The following QRICH2 variants were observed in gnomAD, a reference collection of about 807,000 sequenced individuals.
The protein encoded by QRICH2 is glutamine rich 2, also known as glutamine-rich protein 2.
In QRICH2, 119 loss-of-function variants were observed where a neutral mutation model predicts 168.3. The observed-to-expected ratio is 0.71, with a 90% CI of 0.61 to 0.82. The LOEUF (loss-of-function observed/expected upper bound fraction) is 0.82, where lower values mean the gene tolerates loss of function less well. QRICH2 is among the 40% of genes least tolerant of loss of function. The probability of loss-of-function intolerance (pLI) is 0.00; values close to 1 mark genes in which losing one functional copy is unlikely to be tolerated. For missense variants in QRICH2, 2,241 were observed against 2,491.6 expected (o/e 0.90, Z 2.14); for synonymous variants, 894 against 951.2 (o/e 0.94, Z 1.11).
At position 76,276,068 on chromosome 17, in the gene QRICH2, G is replaced by A. The variant is rs564616944; in HGVS notation, c.5354-121C>T. On this transcript the variant is annotated intron_variant, in intron 17 of 18. Coordinates refer to ENST00000680821, the MANE Select transcript of QRICH2 (RefSeq NM_001388453.1). ...TCATGGCCGGCCTCAGCTGAGTGGG[G>A]TCCTCGTCATTCTGAATTTGTGGCT... is the stretch of plus-strand genomic sequence containing the variant. 128 of 1,200,174 alleles carry A rather than the reference G, an allele frequency of 1.1e-4. 3 individuals are homozygous for A. The South Asian group carries it at 1.7e-3, about 16-fold the overall frequency. The allele number at this position is 1,200,174 out of a possible 1,614,324, so 74.3% of individuals were successfully genotyped here.
At chr17:76,282,255 A>C (rs921757295) in intron 7 of QRICH2, 140 bp from the exon 8 acceptor site, 2 of 1,007,248 alleles carry the variant, frequency 2.0e-6, no homozygotes, top group Admixed American at 5.6e-5. Flanking sequence ...TGCCTCCCAG[A>C]GCATGTGCCA....
chr17:76,283,479 C>T (rs1330786431), intron 7 of QRICH2, among the ~76,000 whole-genome samples: 1 of 152,204 alleles, frequency 6.6e-6, no homozygotes, highest in African/African-American at 2.4e-5. Context: ...ACAGGTGACT[C>T]TTAAACGCTC....
At chr17:76,285,148 T>G (rs113751770) in intron 7 of QRICH2, among the ~76,000 whole-genome samples, 1 of 98,368 alleles carries the variant, frequency 1.0e-5, no homozygotes, top group African/African-American at 7.3e-5. Flanking sequence ...TGTTGTTGTT[T>G]TTGAGATGGA....
Position 76,308,128 on chromosome 17 carries a change from G to A in QRICH2, c.-130C>T, listed in dbSNP as rs1316611236. 1.5e-5 allele frequency: 18 copies of A among 1,219,334 alleles called. No individual in the cohort carries two copies. The highest frequency in any genetic ancestry group is 9.9e-5 in the East Asian group (3 of 30,332). 75.5% of individuals were successfully genotyped at this position (1,219,334 alleles called of 1,614,324 possible). On this transcript the variant is annotated 5_prime_UTR_variant, in exon 1 of 19. Coordinates refer to ENST00000680821, the MANE Select transcript of QRICH2 (RefSeq NM_001388453.1). ...GGGCGCCCCTGCCCCGGGTCCGGCC[G>A]AGTCACTGGACAGAGCTCCTGCCTC...
At position 76,287,905 on chromosome 17, in the gene QRICH2, C is replaced by A. The variant is rs1233371721; in HGVS notation, c.3799-8G>T. 1 of 1,611,312 alleles carries A rather than the reference C, an allele frequency of 6.2e-7. No homozygotes were observed. On this transcript the variant is annotated splice_polypyrimidine_tract_variant and splice_region_variant and intron_variant, in intron 5 of 18. Transcript: ENST00000680821. ...CCTCTGCAGCCTTTCCACCTACAAACCCAGTGAATGAGGAGGGTCAGGCAG... is the reference window on the plus strand; with the variant it reads ...CCTCTGCAGCCTTTCCACCTACAAAACCAGTGAATGAGGAGGGTCAGGCAG...
intron 7 of QRICH2, among the ~76,000 whole-genome samples, chr17:76,284,203 A>G (rs1471018719): frequency 5.1e-5 from 7 of 138,316 alleles, no homozygotes; most frequent in Admixed American, 4.8e-4. Context: ...AAAATGCACA[A>G]AGAGGTTCCT....
At chr17:76,289,423 G>A (rs55999214) in intron 5 of QRICH2, among the ~76,000 whole-genome samples, 1 of 152,050 alleles carries the variant, frequency 6.6e-6, no homozygotes, top group Non-Finnish European at 1.5e-5. Flanking sequence ...CCGGGCTCAA[G>A]TGATCCTCCT....
In QRICH2 at chr17:76,287,172, A is replaced by G. The variant is rs8072620; in HGVS notation, c.4011+20T>C. ...AGAAGGGCCCTTGGTCCCTGGAGCT[A>G]AAGAGTGGGGAATCCTCACCTGGTC... On this transcript the variant is annotated intron_variant, in intron 7 of 18. Coordinates refer to ENST00000680821, the MANE Select transcript of QRICH2 (RefSeq NM_001388453.1). 0.31 allele frequency: 484,243 copies of G among 1,559,866 alleles called. 82,603 individuals carry two copies. The highest frequency in any genetic ancestry group is 0.61 in the East Asian group (27,298 of 44,460).
chr17:76,279,627 T>G (rs2070749861), intron 12 of QRICH2, among the ~76,000 whole-genome samples, 199 bp from the exon 13 acceptor site: 1 of 152,094 alleles, frequency 6.6e-6, no homozygotes, highest in Non-Finnish European at 1.5e-5. Flanking sequence ...AGGCTTCCCA[T>G]GGGCCCCTGA....
In QRICH2 at chr17:76,280,650, C is replaced by T; in HGVS notation, c.4461+4G>A. ...CAGCGTGGCTCCTGGGGCCTGGCAC[C>T]CACCACATCGATCTCCATCTCCAGG... is the stretch of plus-strand genomic sequence containing the variant. On this transcript the variant is annotated splice_donor_region_variant and intron_variant, in intron 10 of 18. Coordinates refer to ENST00000680821, the MANE Select transcript of QRICH2 (RefSeq NM_001388453.1). The surrounding 1 kb of genome is among the most constrained non-coding windows in gnomAD (Gnocchi z 7.4). 1 of 1,614,118 alleles carries T rather than the reference C, an allele frequency of 6.2e-7. No individual in the cohort carries two copies. The highest frequency in any genetic ancestry group is 8.5e-7 in the Non-Finnish European group (1 of 1,179,996).
At chr17:76,276,812 C>T (rs375343817) in intron 16 of QRICH2, 45 bp from the exon 17 acceptor site, 2 of 1,440,394 alleles carry the variant, frequency 1.4e-6, no homozygotes, top group Non-Finnish European at 1.9e-6. Context: ...CAGCCACAGC[C>T]CTCCCCTGGC....
In QRICH2 at chr17:76,275,909, G is replaced by T; in HGVS notation, c.5392C>A (p.Pro1798Thr). 1 of 1,608,998 alleles carries T rather than the reference G, an allele frequency of 6.2e-7. No individual in the cohort carries two copies. ...AGGGATGGCGGCCTGTGCACGTGGG[G>T]CCTGGGCTGCTGGGACTTGCGCTTT... ...TSKRKSQQPR[P>T]HVHRPPSLSS... The change falls in exon 18 of 19, where the codon CCC (proline) becomes ACC (threonine). Residue 1798 changes from proline to threonine, a missense_variant. By Grantham distance (38) the Pro-to-Thr change is conservative (BLOSUM62 -1). Transcript: ENST00000680821.
At chr17:76,303,859 C>CA (rs1286321788) in intron 3 of QRICH2, among the ~76,000 whole-genome samples, 1 of 98,324 alleles carries the variant, frequency 1.0e-5, no homozygotes, top group Non-Finnish European at 1.9e-5. Context: ...GGTAATAGAG[C>CA]AAAACTCTGT....
Position 76,290,075 on chromosome 17 carries a change from T to C in QRICH2, c.3715A>G (p.Lys1239Glu). 6.2e-7 allele frequency: 1 copy of C among 1,610,992 alleles called. No individual in the cohort carries two copies. Among genetic ancestry groups the C allele is most frequent in the East Asian group, 2.2e-5 (1 of 44,724 alleles). Reference sequence around the variant, plus strand: ...TGCAGTTCAGGAGGTATGGTCCTTTTGACTATGGAAAGCAGAAGCCTTATG... The same window carrying C: ...TGCAGTTCAGGAGGTATGGTCCTTTCGACTATGGAAAGCAGAAGCCTTATG... ...KIQFLLAQMV[K>E]RTIPPELQEQ... Residue 1239 changes from lysine (K) to glutamate (E), a missense_variant and splice_region_variant, in exon 5 of 19, where the codon AAA (lysine) becomes GAA (glutamate). This residue lies in a region of QRICH2 where 2,047 missense variants were observed against 2,303.8 expected (regional missense o/e 0.89). Coordinates refer to ENST00000680821, the MANE Select transcript of QRICH2 (RefSeq NM_001388453.1).
chr17:76,299,390 G>C (rs1172637145), intron 3 of QRICH2, among the ~76,000 whole-genome samples: 1 of 152,048 alleles, frequency 6.6e-6, no homozygotes, highest in East Asian at 1.9e-4. Context: ...GGATCTCCAG[G>C]ACCATTTTCT....
chr17:76,302,511 G>A (rs780748115), intron 3 of QRICH2, among the ~76,000 whole-genome samples: 1 of 152,232 alleles, frequency 6.6e-6, no homozygotes, highest in Non-Finnish European at 1.5e-5. Flanking sequence ...TTGAGACGGA[G>A]GGAGTATCCC....
Position 76,292,041 on chromosome 17 carries a change from C to T in QRICH2, c.2686G>A (p.Ala896Thr), listed in dbSNP as rs144680440. ...MDQRGLIQPG[A>T]DQPGLVQPGA... is the part of the protein sequence containing the mutation. Reference sequence around the variant, plus strand: ...GGCTGGACCAAACCAGGCTGATCTGCACCAGGTTGGATCAAACCACGCTGG... The same window carrying T: ...GGCTGGACCAAACCAGGCTGATCTGTACCAGGTTGGATCAAACCACGCTGG... The change falls in exon 4 of 19, where the codon GCA becomes ACA. Residue 896 changes from alanine to threonine, a missense_variant. Around this residue, in one of 3 missense-constraint regions of QRICH2, gnomAD observed 2,047 missense variants for 2,303.8 expected, o/e 0.89. Transcript: ENST00000680821. 1.7e-5 allele frequency: 28 copies of T among 1,614,092 alleles called. No individual in the cohort carries two copies. The highest frequency in any genetic ancestry group is 2.3e-5 in the Non-Finnish European group (27 of 1,180,030).
At position 76,291,162 on chromosome 17, in the gene QRICH2, T is replaced by C. The variant is rs754383300; in HGVS notation, c.3565A>G (p.Ser1189Gly). 8 of 1,614,070 alleles carry C rather than the reference T, an allele frequency of 5.0e-6. No individual in the cohort carries two copies. The African/African-American group carries it at 8.0e-5, about 16-fold the overall frequency. The change falls in exon 4 of 19, where the codon AGT (serine) becomes GGT (glycine). Residue 1189 changes from serine (S) to glycine (G), a missense_variant. Coordinates refer to ENST00000680821, the MANE Select transcript of QRICH2 (RefSeq NM_001388453.1). ...AATGTCTCCACTGCCGTGGGGAAAC[T>C]AGAACTCATTCTACGCAGTGAATTG... ...RRNSLRRMSS[S>G]FPTAVETFHL...
chr17:76,275,897 T>C lies in QRICH2; in HGVS notation c.5404A>G (p.Arg1802Gly). 6.2e-7 allele frequency: 1 copy of C among 1,609,110 alleles called. No individual in the cohort carries two copies. Among genetic ancestry groups the C allele is most frequent in the South Asian group, 1.1e-5 (1 of 91,080 alleles). ...CCATTGCTGCTGAGGGATGGCGGCC[T>C]GTGCACGTGGGGCCTGGGCTGCTGG... ...KSQQPRPHVH[R>G]PPSLSSNGQL... is the part of the protein sequence containing the mutation. The change falls in exon 18 of 19, where the codon AGG becomes GGG. Residue 1802 changes from arginine (R) to glycine (G), a missense_variant. This residue lies in a region of QRICH2 where 189 missense variants were observed against 169.3 expected (regional missense o/e 1.12). Coordinates refer to ENST00000680821, the MANE Select transcript of QRICH2 (RefSeq NM_001388453.1).
Sources: gnomAD v4.1 joint callset for allele counts (sites outside exome capture counted in the v4.1 genomes callset) on GRCh38, gnomAD v4.1.1 for gene constraint, gnomAD v4.1.1 regional missense constraint, Gnocchi (gnomAD v3.1) non-coding constraint, MANE v1.5 for transcripts, NCBI Gene and HGNC (gene_info 2026-07-23, HGNC 2026-07-21) for gene names.